Variants in PLEKHA2 observed in about 807,000 individuals in gnomAD.
PLEKHA2 encodes the protein pleckstrin homology domain containing A2.
In PLEKHA2, 28 loss-of-function variants were observed where a neutral mutation model predicts 53.2. The ratio of observed to expected loss-of-function variants is 0.53; its 90% confidence interval spans 0.39 to 0.72. PLEKHA2 has a LOEUF of 0.72. Among genes scored for constraint, PLEKHA2 ranks in the 30% least tolerant of loss-of-function variants. The probability of loss-of-function intolerance (pLI) is 0.00; values close to 1 mark genes in which losing one functional copy is unlikely to be tolerated. For missense variants in PLEKHA2, 426 were observed against 537.9 expected (o/e 0.79, Z 2.06); for synonymous variants, 193 against 196.4 (o/e 0.98, Z 0.14).
intron 2 of PLEKHA2, among the ~76,000 whole-genome samples, chr8:38,927,364 A>G (rs572692914): frequency 4.6e-5 from 7 of 151,996 alleles, no homozygotes; most frequent in African/African-American, 1.7e-4. Context: ...AAATTAGGCA[A>G]TCGTGGTGGC....
At chr8:38,963,746 T>C (rs1192510470) in intron 10 of PLEKHA2, among the ~76,000 whole-genome samples, 2 of 152,244 alleles carry the variant, frequency 1.3e-5, no homozygotes, top group Non-Finnish European at 2.9e-5. Flanking sequence ...TCTTCTCATA[T>C]GGAATTCATT....
Position 38,917,961 on chromosome 8 carries a change from G to A in PLEKHA2, c.32G>A (p.Cys11Tyr). 1 of 1,613,638 alleles carries A rather than the reference G, an allele frequency of 6.2e-7. No homozygotes were observed. Among genetic ancestry groups the A allele is most frequent in the Non-Finnish European group, 8.5e-7 (1 of 1,179,672 alleles). Residue 11 changes from cysteine to tyrosine, a missense_variant, in exon 2 of 12, where the codon TGT (cysteine) becomes TAT (tyrosine). Physicochemically the swap from Cys to Tyr is radical, Grantham distance 194. Transcript: ENST00000617275. MPYVDRQNRI[C>Y]GFLDIEEHEN... Reference sequence around the variant, plus strand: ...TATGTGGATCGGCAGAACCGAATCTGTGGGTTTCTGGACATCGAGGAGCAT... The same window carrying A: ...TATGTGGATCGGCAGAACCGAATCTATGGGTTTCTGGACATCGAGGAGCAT...
At chr8:38,930,710 C>T (rs1834377315) in intron 2 of PLEKHA2, among the ~76,000 whole-genome samples, 1 of 152,184 alleles carries the variant, frequency 6.6e-6, no homozygotes, top group Non-Finnish European at 1.5e-5. Context: ...CCCTCTTCCT[C>T]TCTCTCTCCT....
At chr8:38,906,091 T>G (rs1212896752) in intron 1 of PLEKHA2, among the ~76,000 whole-genome samples, 1 of 152,272 alleles carries the variant, frequency 6.6e-6, no homozygotes, top group Non-Finnish European at 1.5e-5. Flanking sequence ...GACTCGCAGC[T>G]GTTGTTAGGA....
At chr8:38,928,332 T>C (rs1051240902) in intron 2 of PLEKHA2, among the ~76,000 whole-genome samples, 3 of 143,122 alleles carry the variant, frequency 2.1e-5, no homozygotes, top group Non-Finnish European at 4.5e-5. Context: ...CACTGCAACC[T>C]CTGTCTCCTG....
rs191445966 is a variant in PLEKHA2 at position 38,948,025 on chromosome 8, G to A, written c.345+1804G>A. On this transcript the variant is annotated intron_variant, in intron 5 of 11. Transcript: ENST00000617275. ...CACTTGAACCCAGGAGCTGGAGATT[G>A]CAGTGAGCCGAGATCGCGCCACTGC... Among the ~76,000 whole-genome samples, 1,216 of 150,918 alleles carry A rather than the reference G, an allele frequency of 8.1e-3. 21 individuals are homozygous for A. The highest frequency in any genetic ancestry group is 0.027 in the African/African-American group (1,118 of 40,930).
chr8:38,914,743 A>G (rs1039591341), intron 1 of PLEKHA2, among the ~76,000 whole-genome samples: 27 of 152,260 alleles, frequency 1.8e-4, no homozygotes, highest in Middle Eastern at 6.8e-3. Flanking sequence ...AAAGGGGCCA[A>G]TCTTCGTTGG....
intron 2 of PLEKHA2, among the ~76,000 whole-genome samples, chr8:38,925,472 G>A (rs1477528669): frequency 6.6e-6 from 1 of 152,166 alleles, no homozygotes. Flanking sequence ...TGCTGGTCTT[G>A]TCAAATTTAC....
At chr8:38,958,182 C>G (rs997341500) in intron 10 of PLEKHA2, among the ~76,000 whole-genome samples, 1 of 152,054 alleles carries the variant, frequency 6.6e-6, no homozygotes, top group Non-Finnish European at 1.5e-5. Flanking sequence ...AAAAAATTAG[C>G]TGGACATGGT....
intron 10 of PLEKHA2, among the ~76,000 whole-genome samples, chr8:38,964,852 C>CTTTTTTTT (rs56714628): frequency 3.6e-5 from 2 of 54,958 alleles, no homozygotes; most frequent in Non-Finnish European, 6.4e-5. Context: ...TGTTACTTCC[C>CTTTTTTTT]TTTTTTTTTT....
chr8:38,909,627 G>C (rs1194551910), intron 1 of PLEKHA2, among the ~76,000 whole-genome samples: 2 of 152,192 alleles, frequency 1.3e-5, no homozygotes, highest in African/African-American at 4.8e-5. Context: ...TAAGGCATGG[G>C]AATGGGCAGT....
chr8:38,935,353 G>A (rs114670784), intron 2 of PLEKHA2, among the ~76,000 whole-genome samples: 9,754 of 151,914 alleles, frequency 0.064, 422 homozygotes, highest in East Asian at 0.19. Context: ...TTATGAGGTA[G>A]GTGCTATTAT....
rs1489646521 is a variant in PLEKHA2 at position 38,970,066 on chromosome 8, C to T, written c.*283C>T. On this transcript the variant is annotated 3_prime_UTR_variant, in exon 12 of 12. Coordinates refer to ENST00000617275, the MANE Select transcript of PLEKHA2 (RefSeq NM_021623.2). ...TGGAGAGGAAGCTACCTATTCTATTCTAACTATTCTGAGGTCTTCCTGGAG... is the reference window on the plus strand; with the variant it reads ...TGGAGAGGAAGCTACCTATTCTATTTTAACTATTCTGAGGTCTTCCTGGAG... The T allele has an allele frequency of 1.9e-6, 1 of 527,462 alleles. No individual in the cohort carries two copies. The highest frequency in any genetic ancestry group is 3.3e-6 in the Non-Finnish European group (1 of 304,682). The allele number at this position is 527,462 out of a possible 1,614,324, so 32.7% of individuals were successfully genotyped here. A position where few individuals can be genotyped will look rare whatever the true frequency, so the allele number is the denominator to read the frequency against.
intron 2 of PLEKHA2, among the ~76,000 whole-genome samples, chr8:38,930,708 C>G (rs1243689614): frequency 6.6e-6 from 1 of 152,162 alleles, no homozygotes; most frequent in Non-Finnish European, 1.5e-5. Flanking sequence ...TTCCCTCTTC[C>G]TCTCTCTCTC....
chr8:38,928,854 G>A (rs1834336006), intron 2 of PLEKHA2, among the ~76,000 whole-genome samples: 1 of 152,172 alleles, frequency 6.6e-6, no homozygotes, highest in Non-Finnish European at 1.5e-5. Context: ...GACCTACAGG[G>A]CAGAGGGGAG....
Position 38,958,248 on chromosome 8 carries a change from G to A in PLEKHA2, c.837+862G>A, listed in dbSNP as rs766484648. Among the ~76,000 whole-genome samples, 7 of 152,022 alleles carry A rather than the reference G, an allele frequency of 4.6e-5. No individual in the cohort carries two copies. The East Asian group carries it at 9.6e-4, about 21-fold the overall frequency. ...TGAGGCAGGAGAATTGCTTGAACCCGGGAGGCAGAGGTTGCAGTGAGCTGA... is the reference window on the plus strand; with the variant it reads ...TGAGGCAGGAGAATTGCTTGAACCCAGGAGGCAGAGGTTGCAGTGAGCTGA... On this transcript the variant is annotated intron_variant, in intron 10 of 11. Coordinates refer to ENST00000617275, the MANE Select transcript of PLEKHA2 (RefSeq NM_021623.2).
intron 10 of PLEKHA2, among the ~76,000 whole-genome samples, chr8:38,966,677 C>A (rs1835142632): frequency 6.6e-6 from 1 of 152,152 alleles, no homozygotes; most frequent in East Asian, 1.9e-4. Flanking sequence ...TAGGTTGTTT[C>A]TGGGAGGAAA....
rs2129426397 is a variant in PLEKHA2, at chr8:38,973,295, C to CG, written c.*3513dup. 1 of 152,062 alleles carries CG rather than the reference C, an allele frequency of 6.6e-6. No homozygotes were observed. Among genetic ancestry groups the CG allele is most frequent in the South Asian group, 2.1e-4 (1 of 4,798 alleles). 9.4% of individuals were successfully genotyped at this position (152,062 alleles called of 1,614,324 possible). A position where few individuals can be genotyped will look rare whatever the true frequency, so the allele number is the denominator to read the frequency against. On this transcript the variant is annotated 3_prime_UTR_variant, in exon 12 of 12. Transcript: ENST00000617275. ...TTCTGAGTTGAATACTCAGCTCCCA[C>CG]GAGAAAGAAAGTAGTTTTAAGGTCC...
At chr8:38,920,324 G>T in intron 2 of PLEKHA2, among the ~76,000 whole-genome samples, 1 of 151,748 alleles carries the variant, frequency 6.6e-6, no homozygotes, top group Non-Finnish European at 1.5e-5. Flanking sequence ...CTAATTTTTT[G>T]TATTTTTTTT....
Sources: gnomAD v4.1 joint callset for allele counts (sites outside exome capture counted in the v4.1 genomes callset) on GRCh38, gnomAD v4.1.1 for gene constraint, MANE v1.5 for transcripts, NCBI Gene and HGNC (gene_info 2026-07-23, HGNC 2026-07-21) for gene names.